The following SEPTIN7 variants were observed in gnomAD, a reference collection of about 807,000 sequenced individuals.
SEPTIN7 encodes septin-7.
SEPTIN7 carries 10 observed loss-of-function variants against 63.3 expected under a neutral mutation model. The ratio of observed to expected loss-of-function variants is 0.16; its 90% CI spans 0.10 to 0.27. The LOEUF is 0.27. Among genes scored for constraint, SEPTIN7 ranks in the 10% least tolerant of loss-of-function variants. The pLI, the probability that SEPTIN7 is intolerant of heterozygous loss-of-function variation, is 1.00. For synonymous variants in SEPTIN7, 131 were observed against 165.3 expected (o/e 0.79, Z 1.59); for missense variants, 310 against 521.0 (o/e 0.59, Z 3.94).
intron 6 of SEPTIN7, 89 bp downstream of exon 6, chr7:35,873,864 G>A: frequency 8.0e-7 from 1 of 1,256,232 alleles, no homozygotes; most frequent in Non-Finnish European, 1.1e-6. Flanking sequence ...TTAAGTTTGT[G>A]AAGTACACAC....
intron 6 of SEPTIN7, among the ~76,000 whole-genome samples, chr7:35,878,367 A>G (rs1355659032): frequency 6.6e-6 from 1 of 152,170 alleles, no homozygotes; most frequent in Non-Finnish European, 1.5e-5. Context: ...GAATTGTAAG[A>G]AATTCAGAAA....
chr7:35,882,182 A>G (rs955143811), intron 7 of SEPTIN7, among the ~76,000 whole-genome samples: 13 of 151,984 alleles, frequency 8.6e-5, no homozygotes, highest in East Asian at 1.9e-4. Flanking sequence ...GTGGAAATCA[A>G]TCAGAGAAAT....
At chr7:35,854,869 C>G (rs1785127206) in intron 3 of SEPTIN7, among the ~76,000 whole-genome samples, 2 of 152,050 alleles carry the variant, frequency 1.3e-5, no homozygotes. Context: ...CATAACCTTT[C>G]CCATCTAGAA....
chr7:35,912,376 C>T, the SEPTIN7 span, among the ~76,000 whole-genome samples: 1 of 152,250 alleles, frequency 6.6e-6, no homozygotes, highest in Admixed American at 6.5e-5. Flanking sequence ...TAGCCAGACC[C>T]ACCCCTTTAT....
intron 3 of SEPTIN7, among the ~76,000 whole-genome samples, chr7:35,858,442 GC>G (rs1017348341): frequency 1.3e-5 from 2 of 151,842 alleles, no homozygotes; most frequent in Non-Finnish European, 2.9e-5. Flanking sequence ...TGCAACCTCC[GC>G]CTCCCAGATT....
intron 1 of SEPTIN7, among the ~76,000 whole-genome samples, chr7:35,817,629 A>G (rs1433550474): frequency 6.6e-6 from 1 of 152,108 alleles, no homozygotes; most frequent in Non-Finnish European, 1.5e-5. Context: ...CAATTTGAAG[A>G]GTATTGTCGT....
intron 3 of SEPTIN7, among the ~76,000 whole-genome samples, chr7:35,839,039 G>A (rs1218596867): frequency 6.6e-6 from 1 of 152,194 alleles, no homozygotes; most frequent in African/African-American, 2.4e-5. Context: ...TATGTAGGAA[G>A]ATTACCAGAG....
intron 10 of SEPTIN7, among the ~76,000 whole-genome samples, chr7:35,889,192 A>C: frequency 6.6e-6 from 1 of 152,234 alleles, no homozygotes; most frequent in East Asian, 1.9e-4. Flanking sequence ...TTGACGAGAG[A>C]TTGACAAATT....
chr7:35,801,495 G>A (rs1391541812), intron 1 of SEPTIN7, among the ~76,000 whole-genome samples: 2 of 151,614 alleles, frequency 1.3e-5, no homozygotes, highest in Non-Finnish European at 2.9e-5. Flanking sequence ...GGAGAGCCGA[G>A]GCGGCGGCAT....
At chr7:35,805,548 G>A (rs1788276312) in intron 1 of SEPTIN7, among the ~76,000 whole-genome samples, 1 of 152,102 alleles carries the variant, frequency 6.6e-6, no homozygotes, top group South Asian at 2.1e-4. Flanking sequence ...CATAGCACTA[G>A]GTTAAACTAT....
At chr7:35,806,634 T>C in intron 1 of SEPTIN7, among the ~76,000 whole-genome samples, 1 of 152,210 alleles carries the variant, frequency 6.6e-6, no homozygotes, top group East Asian at 1.9e-4. Flanking sequence ...TTTATTCTAA[T>C]CAAGATAGAG....
chr7:35,902,030 T>A (rs1410139693), intron 12 of SEPTIN7: 2 of 150,096 alleles, frequency 1.3e-5, no homozygotes, highest in Non-Finnish European at 3.0e-5. Flanking sequence ...AAAATTATAG[T>A]AACATATATA....
At chr7:35,811,363 A>G (rs1386683022) in intron 1 of SEPTIN7, among the ~76,000 whole-genome samples, 2 of 152,236 alleles carry the variant, frequency 1.3e-5, no homozygotes, top group African/African-American at 2.4e-5. Flanking sequence ...AATTTAGTAT[A>G]TAAACTTGGT....
At chr7:35,890,515 A>T in intron 10 of SEPTIN7, 153 bp from the exon 11 acceptor site, 2 of 533,162 alleles carry the variant, frequency 3.8e-6, no homozygotes, top group Non-Finnish European at 5.6e-6. Context: ...AAATGAAAAC[A>T]GATGAATGCC....
intron 13 of SEPTIN7, among the ~76,000 whole-genome samples, chr7:35,903,466 C>G (rs1788439576): frequency 6.6e-6 from 1 of 152,106 alleles, no homozygotes; most frequent in Non-Finnish European, 1.5e-5. Flanking sequence ...TCATAACATT[C>G]TCCCCAGTTA....
intron 10 of SEPTIN7, among the ~76,000 whole-genome samples, chr7:35,887,594 G>C (rs987207357): frequency 6.6e-6 from 1 of 152,146 alleles, no homozygotes; most frequent in African/African-American, 2.4e-5. Flanking sequence ...TAAACCACCT[G>C]CCTCAGCCTC....
At chr7:35,903,281 T>C (rs1788429683) in intron 13 of SEPTIN7, 66 bp downstream of exon 13, 6 of 1,450,432 alleles carry the variant, frequency 4.1e-6, no homozygotes, top group Admixed American at 3.0e-5. Context: ...TTCCTACTTA[T>C]TTAAAAAACA....
intron 1 of SEPTIN7, among the ~76,000 whole-genome samples, chr7:35,826,016 A>G (rs901412597): frequency 5.3e-5 from 8 of 152,274 alleles, no homozygotes; most frequent in African/African-American, 1.9e-4. Context: ...GATGAGGAAC[A>G]TAAAAACTGA....
chr7:35,903,383 G>A (rs940714814), intron 13 of SEPTIN7, among the ~76,000 whole-genome samples, 168 bp downstream of exon 13: 7 of 126,700 alleles, frequency 5.5e-5, no homozygotes, highest in Non-Finnish European at 3.7e-5. Flanking sequence ...GATGGATACA[G>A]TCTGTGTCCA....
Sources: gnomAD v4.1 joint callset for allele counts (sites outside exome capture counted in the v4.1 genomes callset) on GRCh38, gnomAD v4.1.1 for gene constraint, MANE v1.5 for transcripts, NCBI Gene and HGNC (gene_info 2026-07-23, HGNC 2026-07-21) for gene names.